Variants in RAPGEF6 observed in about 807,000 individuals in gnomAD.
RAPGEF6 encodes the protein PDZ domain containing guanine nucleotide exchange factor (GEF) 2.
RAPGEF6 carries 56 observed loss-of-function variants against 171.4 expected under a neutral mutation model. That is an observed-to-expected ratio of 0.33 (90% CI 0.26 to 0.41). The LOEUF (loss-of-function observed/expected upper bound fraction) is 0.41. RAPGEF6 is among the 10% of genes least tolerant of loss of function. The probability of loss-of-function intolerance (pLI) is 1.00; values close to 1 mark genes in which losing one functional copy is unlikely to be tolerated. For missense variants in RAPGEF6, 1,674 were observed against 1,921.4 expected (o/e 0.87, Z 2.41); for synonymous variants, 692 against 650.1 (o/e 1.06, Z -0.98).
chr5:131,562,287 TTAAC>T (rs1490718942), intron 4 of RAPGEF6, among the ~76,000 whole-genome samples: 2 of 152,124 alleles, frequency 1.3e-5, no homozygotes, highest in African/African-American at 2.4e-5. Context: ...ACTTCTGCCT[TTAAC>T]TAGTCCCTAA....
intron 4 of RAPGEF6, among the ~76,000 whole-genome samples, chr5:131,573,867 A>T (rs1053596062): frequency 2.6e-5 from 4 of 152,098 alleles, no homozygotes; most frequent in Non-Finnish European, 4.4e-5. Context: ...CTTAATATGC[A>T]TTTTATCACC....
At chr5:131,584,082 T>C (rs1053987952) in intron 4 of RAPGEF6, among the ~76,000 whole-genome samples, 2 of 152,330 alleles carry the variant, frequency 1.3e-5, no homozygotes, top group South Asian at 2.1e-4. Context: ...GAGGAAACTT[T>C]TTCTAGTGAT....
intron 23 of RAPGEF6, among the ~76,000 whole-genome samples, chr5:131,440,702 C>T (rs1421902987): frequency 1.5e-5 from 2 of 137,640 alleles, no homozygotes; most frequent in Non-Finnish European, 3.0e-5. Context: ...CGCACCACTG[C>T]ACTCCAGCCT....
intron 18 of RAPGEF6, among the ~76,000 whole-genome samples, chr5:131,463,440 A>C (rs1333669004): frequency 2.0e-5 from 3 of 152,036 alleles, no homozygotes; most frequent in African/African-American, 7.2e-5. Context: ...TTCGCCAGGC[A>C]TGGTGGCATG....
chr5:131,609,975 C>T (rs1764841934), intron 1 of RAPGEF6, among the ~76,000 whole-genome samples: 2 of 152,334 alleles, frequency 1.3e-5, no homozygotes, highest in African/African-American at 2.4e-5. Flanking sequence ...AGTCATATCA[C>T]ATACCACACA....
intron 4 of RAPGEF6, among the ~76,000 whole-genome samples, chr5:131,579,676 T>G (rs548669275): frequency 6.6e-6 from 1 of 151,192 alleles, no homozygotes; most frequent in African/African-American, 2.4e-5. Flanking sequence ...TTACAATCCT[T>G]TAGCTAGAAA....
chr5:131,591,597 T>C (rs146785154), intron 4 of RAPGEF6, among the ~76,000 whole-genome samples: 25 of 152,322 alleles, frequency 1.6e-4, no homozygotes, highest in Non-Finnish European at 3.4e-4. Flanking sequence ...TGAACCCTTA[T>C]AGACTTCTGT....
At position 131,596,364 on chromosome 5, in the gene RAPGEF6, A is replaced by G. The variant is rs771364511; in HGVS notation, c.198-3898T>C. Reference sequence around the variant, plus strand: ...ATATTATATAATCATTATATAATATATATTTGTGTCTCATATATATATTTA... The same window carrying G: ...ATATTATATAATCATTATATAATATGTATTTGTGTCTCATATATATATTTA... On this transcript the variant is annotated intron_variant, in intron 3 of 27. Coordinates refer to ENST00000509018, the MANE Select transcript of RAPGEF6 (RefSeq NM_016340.6). 7.9e-4 allele frequency among the ~76,000 whole-genome samples: 118 copies of G among 149,160 alleles called. 1 individual carries two copies. The highest frequency in any genetic ancestry group is 1.3e-3 in the Non-Finnish European group (86 of 67,460).
chr5:131,591,291 G>C (rs989232212), intron 4 of RAPGEF6, among the ~76,000 whole-genome samples: 3 of 152,250 alleles, frequency 2.0e-5, no homozygotes, highest in African/African-American at 7.2e-5. Flanking sequence ...AGCATACGTT[G>C]AGGCCCTAAA....
At chr5:131,438,149 T>A (rs1004978315) in intron 24 of RAPGEF6, among the ~76,000 whole-genome samples, 1 of 149,290 alleles carries the variant, frequency 6.7e-6, no homozygotes, top group Non-Finnish European at 1.5e-5. Flanking sequence ...CCACTACCCC[T>A]GGCTAATTTT....
intron 23 of RAPGEF6, among the ~76,000 whole-genome samples, chr5:131,441,991 C>A (rs1327111905): frequency 1.3e-5 from 2 of 152,110 alleles, no homozygotes; most frequent in East Asian, 1.9e-4. Context: ...AACGTATAGT[C>A]ATTTTTGGAA....
At chr5:131,524,583 G>A (rs1163185331) in intron 6 of RAPGEF6, among the ~76,000 whole-genome samples, 1 of 141,748 alleles carries the variant, frequency 7.1e-6, no homozygotes, top group Non-Finnish European at 1.5e-5. Flanking sequence ...AGGAGAGAGA[G>A]GGAGAGGGAG....
At chr5:131,469,381 T>C (rs1754592979) in intron 17 of RAPGEF6, among the ~76,000 whole-genome samples, 1 of 152,060 alleles carries the variant, frequency 6.6e-6, no homozygotes, top group South Asian at 2.1e-4. Flanking sequence ...AAATTTTCAA[T>C]GAAGAAAAAA....
intron 7 of RAPGEF6, among the ~76,000 whole-genome samples, chr5:131,516,588 T>G (rs987870419): frequency 3.3e-5 from 5 of 152,168 alleles, no homozygotes; most frequent in Non-Finnish European, 5.9e-5. Flanking sequence ...TGTCTGGAGT[T>G]GTTTAAGAAT....
At chr5:131,518,239 T>C (rs1285551235) in intron 7 of RAPGEF6, among the ~76,000 whole-genome samples, 1 of 151,924 alleles carries the variant, frequency 6.6e-6, no homozygotes, top group Non-Finnish European at 1.5e-5. Context: ...TTTATACATA[T>C]GAGATATAAA....
Position 131,442,520 on chromosome 5 carries a change from C to T in RAPGEF6, c.3439G>A (p.Glu1147Lys). 2 of 1,613,858 alleles carry T rather than the reference C, an allele frequency of 1.2e-6. No homozygotes were observed. The highest frequency in any genetic ancestry group is 1.7e-6 in the Non-Finnish European group (2 of 1,179,884). ...AYGTLTKNLS[E>K]KRSAKSSEMS... ...TCAGATGATTTGGCTGATCTTTTCT[C>T]ACTTAAATTCTTGGTCACTAACAGG... Residue 1147 changes from glutamate (E) to lysine (K), a missense_variant, in exon 23 of 28, where the codon GAG becomes AAG. This residue lies in a region of RAPGEF6 where 552 missense variants were observed against 574.2 expected (regional missense o/e 0.96). Coordinates refer to ENST00000509018, the MANE Select transcript of RAPGEF6 (RefSeq NM_016340.6).
intron 1 of RAPGEF6, among the ~76,000 whole-genome samples, chr5:131,621,768 T>C (rs1216584826): frequency 1.3e-5 from 2 of 152,154 alleles, no homozygotes; most frequent in East Asian, 1.9e-4. Flanking sequence ...TCTCGGTTGG[T>C]TGAATCCACA....
At chr5:131,465,256 T>G (rs1006496949) in intron 17 of RAPGEF6, among the ~76,000 whole-genome samples, 5 of 152,130 alleles carry the variant, frequency 3.3e-5, no homozygotes, top group Non-Finnish European at 5.9e-5. Flanking sequence ...GTAGAAAAAT[T>G]CTAATTTGAG....
At chr5:131,622,748 G>A (rs1765668366) in intron 1 of RAPGEF6, among the ~76,000 whole-genome samples, 2 of 152,084 alleles carry the variant, frequency 1.3e-5, no homozygotes, top group South Asian at 2.1e-4. Context: ...ACAAATGAAG[G>A]TCAAGGGGCC....
Sources: allele counts gnomAD v4.1 joint callset (sites outside exome capture counted in the v4.1 genomes callset), GRCh38; gene constraint gnomAD v4.1.1; regional missense constraint gnomAD v4.1.1; transcripts MANE v1.5; gene names NCBI Gene and HGNC (gene_info 2026-07-23, HGNC 2026-07-21).